The following ANKRD44 variants were observed in gnomAD, a reference collection of about 807,000 sequenced individuals.
The protein encoded by ANKRD44 is serine/threonine-protein phosphatase 6 regulatory ankyrin repeat subunit B.
A neutral mutation model predicts 116.0 loss-of-function variants in ANKRD44; 35 were observed. The observed-to-expected ratio is 0.30, with a 90% CI of 0.23 to 0.40. ANKRD44 has a LOEUF of 0.40. ANKRD44 is among the 10% of genes least tolerant of loss of function. The probability of loss-of-function intolerance (pLI) is 1.00; values close to 1 mark genes in which losing one functional copy is unlikely to be tolerated. For missense variants in ANKRD44, 1,014 were observed against 1,242.6 expected (o/e 0.82, Z 2.77); for synonymous variants, 435 against 461.8 (o/e 0.94, Z 0.74).
At chr2:197,132,084 T>G (rs1480395139) in intron 4 of ANKRD44, among the ~76,000 whole-genome samples, 1 of 152,218 alleles carries the variant, frequency 6.6e-6, no homozygotes. Flanking sequence ...TCTTCATTTC[T>G]TCACAGCCTA....
intron 1 of ANKRD44, among the ~76,000 whole-genome samples, chr2:197,222,801 A>T (rs1186546701): frequency 6.8e-6 from 1 of 147,322 alleles, no homozygotes; most frequent in East Asian, 1.9e-4. Flanking sequence ...TATTTATTTT[A>T]TTTATTTTTT....
chr2:197,144,263 T>C (rs1204383970), intron 3 of ANKRD44, among the ~76,000 whole-genome samples: 2 of 152,218 alleles, frequency 1.3e-5, no homozygotes, highest in African/African-American at 2.4e-5. Flanking sequence ...CCATGCTCTG[T>C]AGGTTAATAC....
intron 2 of ANKRD44, among the ~76,000 whole-genome samples, chr2:197,151,811 G>T (rs1264394101): frequency 6.6e-6 from 1 of 152,160 alleles, no homozygotes; most frequent in Non-Finnish European, 1.5e-5. Flanking sequence ...CAGGGAAGTG[G>T]CAAATAGTGA....
intron 16 of ANKRD44, among the ~76,000 whole-genome samples, chr2:197,060,686 TC>T (rs1202480954): frequency 1.3e-5 from 2 of 152,112 alleles, no homozygotes; most frequent in African/African-American, 4.8e-5. Flanking sequence ...TCTCCCCATT[TC>T]CCCCTAGACC....
chr2:197,162,378 A>G (rs969317732), intron 2 of ANKRD44, among the ~76,000 whole-genome samples: 3 of 152,198 alleles, frequency 2.0e-5, no homozygotes, highest in African/African-American at 7.2e-5. Flanking sequence ...ATTTCTAAGA[A>G]TTGGTATTTC....
chr2:197,290,980 G>C (rs1343922393), intron 1 of ANKRD44, among the ~76,000 whole-genome samples: 1 of 151,422 alleles, frequency 6.6e-6, no homozygotes, highest in African/African-American at 2.4e-5. Flanking sequence ...AGGCCAAGGA[G>C]GGAGGATCCC....
chr2:197,278,340 G>A (rs541263866), intron 1 of ANKRD44, among the ~76,000 whole-genome samples: 1 of 152,006 alleles, frequency 6.6e-6, no homozygotes, highest in Admixed American at 6.6e-5. Flanking sequence ...TGTGCATCCA[G>A]GTAGTTACAA....
rs757282542 is a variant in ANKRD44, at chr2:196,998,384, C to T, written c.2701G>A (p.Val901Ile). The T allele has an allele frequency of 1.2e-6, 2 of 1,613,928 alleles. No homozygotes were observed. Among genetic ancestry groups the T allele is most frequent in the East Asian group, 4.5e-5 (2 of 44,844 alleles). Reference protein sequence around the residue: ...LVNSAQADLTVKDKDLNTPLH... With the variant: ...LVNSAQADLTIKDKDLNTPLH... ...GGTGTATTCAAGTCCTTATCCTTTACAGTCAGATCAGCCTGGGCACTGTTC... is the reference window on the plus strand; with the variant it reads ...GGTGTATTCAAGTCCTTATCCTTTATAGTCAGATCAGCCTGGGCACTGTTC... Residue 901 changes from valine (V) to isoleucine (I), a missense_variant, in exon 25 of 28, where the codon GTA (valine) becomes ATA (isoleucine). Physicochemically the swap from Val to Ile is conservative, Grantham distance 29. Coordinates refer to ENST00000282272, the MANE Select transcript of ANKRD44 (RefSeq NM_001195144.2).
chr2:197,252,413 T>C (rs1221058437), intron 1 of ANKRD44, among the ~76,000 whole-genome samples: 5 of 152,150 alleles, frequency 3.3e-5, no homozygotes, highest in Non-Finnish European at 1.5e-5. Context: ...TAATTTTTTT[T>C]TTCTTTTTTT....
downstream of ANKRD44, among the ~76,000 whole-genome samples, chr2:196,986,366 G>A (rs1216968979): frequency 6.7e-6 from 1 of 149,524 alleles, no homozygotes; most frequent in African/African-American, 2.5e-5. Context: ...AGTGAGCCGA[G>A]ATCTCACAAC....
At chr2:197,086,261 T>C (rs1241328360) in intron 13 of ANKRD44, among the ~76,000 whole-genome samples, 9 of 152,152 alleles carry the variant, frequency 5.9e-5, no homozygotes, top group Non-Finnish European at 1.0e-4. Context: ...CTATGACCCA[T>C]TGGTGGTGTG....
At chr2:196,998,442 G>C (rs1470055209) in intron 24 of ANKRD44, 23 bp from the exon 25 acceptor site, 1 of 1,585,358 alleles carries the variant, frequency 6.3e-7, no homozygotes, top group South Asian at 1.1e-5. Flanking sequence ...CCCAAAAGAG[G>C]GTTACTTAGA....
intron 16 of ANKRD44, among the ~76,000 whole-genome samples, chr2:197,066,887 C>T (rs1331519780): frequency 6.6e-6 from 1 of 152,072 alleles, no homozygotes; most frequent in Non-Finnish European, 1.5e-5. Context: ...CAATGCCATC[C>T]CCATCAAGCT....
chr2:197,048,237 C>A (rs1371649160), intron 16 of ANKRD44, among the ~76,000 whole-genome samples: 1 of 152,018 alleles, frequency 6.6e-6, no homozygotes, highest in Non-Finnish European at 1.5e-5. Flanking sequence ...ATGTGCACCA[C>A]GTGCAGGTTT....
chr2:197,015,519 G>A, intron 17 of ANKRD44: 2 of 482,170 alleles, frequency 4.1e-6, no homozygotes, highest in Non-Finnish European at 7.7e-6. Flanking sequence ...CTGCTGGATT[G>A]CAGAGAGGTC....
chr2:197,019,505 A>G (rs1174349168), intron 17 of ANKRD44, among the ~76,000 whole-genome samples: 1 of 152,322 alleles, frequency 6.6e-6, no homozygotes, highest in Admixed American at 6.5e-5. Context: ...GCCCAGGATG[A>G]CACAGAAGGG....
intron 18 of ANKRD44, among the ~76,000 whole-genome samples, chr2:197,011,408 CTTTTG>C (rs770985589): frequency 2.0e-5 from 3 of 151,568 alleles, no homozygotes; most frequent in South Asian, 2.1e-4. Flanking sequence ...TACAGTTGTG[CTTTTG>C]TTTTGTTTTG....
At chr2:197,281,716 G>A (rs1033672669) in intron 1 of ANKRD44, among the ~76,000 whole-genome samples, 3 of 152,020 alleles carry the variant, frequency 2.0e-5, no homozygotes, top group Non-Finnish European at 4.4e-5. Flanking sequence ...CTCTATTAAA[G>A]GAATACAGGC....
intron 17 of ANKRD44, among the ~76,000 whole-genome samples, chr2:197,014,029 C>G (rs373138815): frequency 6.6e-6 from 1 of 152,212 alleles, no homozygotes. Flanking sequence ...TATAAACTAA[C>G]AGCTGAATGA....
Sources: gnomAD v4.1 joint callset for allele counts (sites outside exome capture counted in the v4.1 genomes callset) on GRCh38, gnomAD v4.1.1 for gene constraint, MANE v1.5 for transcripts, NCBI Gene and HGNC (gene_info 2026-07-23, HGNC 2026-07-21) for gene names.